The following SLC4A4 variants were observed in gnomAD, a reference collection of about 807,000 sequenced individuals.
SLC4A4 encodes solute carrier family 4 member 4, also known as electrogenic sodium bicarbonate cotransporter 1.
SLC4A4 carries 27 observed loss-of-function variants against 111.5 expected under a neutral mutation model. That is an observed-to-expected ratio of 0.24 (90% CI 0.18 to 0.33). The LOEUF (loss-of-function observed/expected upper bound fraction) is 0.33, where lower values mean the gene tolerates loss of function less well. Among genes scored for constraint, SLC4A4 ranks in the 10% least tolerant of loss-of-function variants. The pLI, the probability that SLC4A4 is intolerant of heterozygous loss-of-function variation, is 1.00. For synonymous variants in SLC4A4, 443 were observed against 463.4 expected (o/e 0.96, Z 0.57); for missense variants, 909 against 1,315.5 (o/e 0.69, Z 4.78).
intron 14 of SLC4A4, among the ~76,000 whole-genome samples, chr4:71,473,740 G>A (rs1728097123): frequency 6.6e-6 from 1 of 151,744 alleles, no homozygotes; most frequent in African/African-American, 2.4e-5. Context: ...TTGGTCTTTG[G>A]AATTCTTTCT....
At chr4:71,276,673 T>C (rs2579320) in intron 3 of SLC4A4, among the ~76,000 whole-genome samples, 51,933 of 151,732 alleles carry the variant, frequency 0.34, 11,239 homozygotes, top group African/African-American at 0.58. Context: ...AGCAGTATTC[T>C]GTGGTATGGA....
At chr4:71,311,601 G>A (rs980486164) in intron 3 of SLC4A4, among the ~76,000 whole-genome samples, 1 of 152,044 alleles carries the variant, frequency 6.6e-6, no homozygotes, top group Non-Finnish European at 1.5e-5. Context: ...GGTAAATAAC[G>A]AAATTAAGGC....
intron 3 of SLC4A4, among the ~76,000 whole-genome samples, chr4:71,287,670 C>T (rs1724026214): frequency 6.6e-6 from 1 of 152,102 alleles, no homozygotes; most frequent in Non-Finnish European, 1.5e-5. Context: ...AGTAAAGTCT[C>T]ATTGATGCTG....
Position 71,438,866 on chromosome 4 carries a change from T to C in SLC4A4, c.808-1750T>C, listed in dbSNP as rs540375887. Among the ~76,000 whole-genome samples the C allele has an allele frequency of 3.9e-5, 6 of 152,300 alleles. No homozygotes were observed. In the South Asian group the frequency reaches 1.2e-3, roughly 32 times the overall value. ...ATGGTTAAACTACATTTTCTTTAAG[T>C]TGGCAAGTCTTAATATGTGTTTACC... On this transcript the variant is annotated intron_variant, in intron 7 of 25. Coordinates refer to ENST00000264485, the MANE Select transcript of SLC4A4 (RefSeq NM_001098484.3).
At chr4:71,255,457 G>A (rs1398869752) in intron 3 of SLC4A4, 58 bp downstream of exon 3, 1 of 1,555,918 alleles carries the variant, frequency 6.4e-7, no homozygotes, top group Non-Finnish European at 8.9e-7. Context: ...TCTTTGAGAA[G>A]GACACCTTTT....
intron 2 of SLC4A4, among the ~76,000 whole-genome samples, chr4:71,110,398 G>T (rs767467537): frequency 9.9e-5 from 15 of 151,822 alleles, no homozygotes; most frequent in Non-Finnish European, 2.2e-4. Context: ...TAGAGATGGG[G>T]TTTCACCATG....
chr4:71,428,789 A>G (rs1429213772), intron 7 of SLC4A4, among the ~76,000 whole-genome samples: 1 of 152,098 alleles, frequency 6.6e-6, no homozygotes, highest in African/African-American at 2.4e-5. Flanking sequence ...ACAGATTTGA[A>G]GATTAAAATC....
chr4:71,557,629 A>G, intron 21 of SLC4A4, 83 bp from the exon 22 acceptor site: 2 of 1,368,898 alleles, frequency 1.5e-6, no homozygotes, highest in Non-Finnish European at 2.1e-6. Context: ...AAATTATAGA[A>G]TATAAATCAG....
chr4:71,514,944 G>A (rs1400062849), intron 16 of SLC4A4, among the ~76,000 whole-genome samples: 1 of 151,624 alleles, frequency 6.6e-6, no homozygotes, highest in African/African-American at 2.4e-5. Flanking sequence ...CCAACTTTTT[G>A]TTTCATTGAT....
At chr4:71,511,400 TA>T (rs1372654909) in intron 16 of SLC4A4, among the ~76,000 whole-genome samples, 4 of 152,090 alleles carry the variant, frequency 2.6e-5, no homozygotes, top group African/African-American at 7.2e-5. Flanking sequence ...GTTTTCCCCT[TA>T]TGCTCTTTTT....
Position 71,288,407 on chromosome 4 carries a change from A to ATT in SLC4A4, c.253+33019_253+33020dup, listed in dbSNP as rs112503573. ...TCAGAGAACAAATATAGGGTAGGGG[A>ATT]TTTTTTTTTTTTACAGAGTTTCACA... On this transcript the variant is annotated intron_variant, in intron 3 of 25. Transcript: ENST00000264485. Among the ~76,000 whole-genome samples, 398 of 145,960 alleles carry ATT rather than the reference A, an allele frequency of 2.7e-3. 4 individuals carry two copies. The highest frequency in any genetic ancestry group is 9.0e-3 in the African/African-American group (361 of 40,108).
At chr4:71,155,156 A>C (rs549433272) in intron 2 of SLC4A4, among the ~76,000 whole-genome samples, 86 of 152,036 alleles carry the variant, frequency 5.7e-4, no homozygotes, top group Non-Finnish European at 1.2e-3. Context: ...AAAGTTTGAA[A>C]GCCACCAACC....
chr4:71,102,432 T>C (rs987773389), intron 2 of SLC4A4, among the ~76,000 whole-genome samples: 1 of 151,314 alleles, frequency 6.6e-6, no homozygotes, highest in African/African-American at 2.4e-5. Flanking sequence ...GCCACAAACA[T>C]ACTCCTCGAG....
intron 2 of SLC4A4, among the ~76,000 whole-genome samples, chr4:71,150,787 T>C (rs1315123931): frequency 6.6e-6 from 1 of 152,128 alleles, no homozygotes; most frequent in African/African-American, 2.4e-5. Context: ...CTGGGACCAC[T>C]ATCTCTCTAT....
At chr4:71,395,464 T>G (rs1488283789) in intron 6 of SLC4A4, among the ~76,000 whole-genome samples, 1 of 152,224 alleles carries the variant, frequency 6.6e-6, no homozygotes, top group Non-Finnish European at 1.5e-5. Context: ...CCTGCATTTT[T>G]CTTGGACCTG....
chr4:71,367,434 G>A (rs2148927874), intron 6 of SLC4A4, among the ~76,000 whole-genome samples: 1 of 152,168 alleles, frequency 6.6e-6, no homozygotes, highest in African/African-American at 2.4e-5. Flanking sequence ...TCCTTGCTTG[G>A]GCCTAGATAA....
At chr4:71,421,360 G>C (rs1460258873) in intron 7 of SLC4A4, among the ~76,000 whole-genome samples, 2 of 152,118 alleles carry the variant, frequency 1.3e-5, no homozygotes, top group Non-Finnish European at 2.9e-5. Context: ...CCTACAAAGA[G>C]ACTGAGACTC....
rs1300171549 is a variant in SLC4A4 at position 71,567,048 on chromosome 4, T to C, written c.*1T>C. The C allele has an allele frequency of 1.9e-6, 3 of 1,610,132 alleles. No individual in the cohort carries two copies. Among genetic ancestry groups the C allele is most frequent in the Non-Finnish European group, 2.5e-6 (3 of 1,177,606 alleles). On this transcript the variant is annotated 3_prime_UTR_variant, in exon 25 of 26. Transcript: ENST00000264485. ...CCTTGAACGCCACACATCATGCTGA[T>C]AAAATTCCTTTCCTTCAGTCACTCG...
chr4:71,103,213 A>T (rs1408204536), intron 2 of SLC4A4, among the ~76,000 whole-genome samples: 1 of 150,018 alleles, frequency 6.7e-6, no homozygotes, highest in Non-Finnish European at 1.5e-5. Flanking sequence ...TTCAACAAGA[A>T]GAGCTAACTA....
Sources: gnomAD v4.1 joint callset for allele counts (sites outside exome capture counted in the v4.1 genomes callset) on GRCh38, gnomAD v4.1.1 for gene constraint, MANE v1.5 for transcripts, NCBI Gene and HGNC (gene_info 2026-07-23, HGNC 2026-07-21) for gene names.